The following GALK2 variants were observed in gnomAD, a reference collection of about 807,000 sequenced individuals.
The protein encoded by GALK2 is N-acetylgalactosamine kinase.
A neutral mutation model predicts 52.4 loss-of-function variants in GALK2; 36 were observed. The observed-to-expected ratio is 0.69, with a 90% CI of 0.53 to 0.91. The LOEUF (loss-of-function observed/expected upper bound fraction) is 0.91. Among genes scored for constraint, GALK2 ranks in the 40% least tolerant of loss-of-function variants. The pLI is 0.00. For missense variants in GALK2, 579 were observed against 559.1 expected, an observed-to-expected ratio of 1.04 and a Z score of -0.36; for synonymous variants, 176 against 199.1, an observed-to-expected ratio of 0.88 and a Z score of 0.98.
intron 2 of GALK2, among the ~76,000 whole-genome samples, chr15:49,205,117 G>T (rs184738214): frequency 6.6e-6 from 1 of 152,234 alleles, no homozygotes; most frequent in African/African-American, 2.4e-5. Flanking sequence ...ATTTGGGTTG[G>T]TTCCGCGATT....
At chr15:49,347,816 C>T (rs926589223) in intron 3 of GALK2, among the ~76,000 whole-genome samples, 1 of 151,932 alleles carries the variant, frequency 6.6e-6, no homozygotes, top group African/African-American at 2.4e-5. Context: ...GTCAGGAGTT[C>T]AAGACCAGCC....
downstream of GALK2, among the ~76,000 whole-genome samples, chr15:49,333,324 T>C (rs1293144466): frequency 6.6e-6 from 1 of 152,238 alleles, no homozygotes; most frequent in East Asian, 1.9e-4. Flanking sequence ...AGCTCATACA[T>C]TGTGCCTATA....
At chr15:49,186,759 A>G (rs568649694) in intron 1 of GALK2, among the ~76,000 whole-genome samples, 1 of 152,118 alleles carries the variant, frequency 6.6e-6, no homozygotes, top group East Asian at 1.9e-4. Flanking sequence ...GGATGGTCTC[A>G]ATCTCTTGAC....
rs900852119 is a variant in GALK2 at position 49,366,079 on chromosome 15, T to C, written c.427-1412T>C. 7 of 832,944 alleles carry C rather than the reference T, an allele frequency of 8.4e-6. No individual in the cohort carries two copies. In the East Asian group the frequency reaches 9.6e-5, roughly 11 times the overall value. 51.6% of individuals were successfully genotyped at this position (832,944 alleles called of 1,614,324 possible). A position where few individuals can be genotyped will look rare whatever the true frequency, so the allele number is the denominator to read the frequency against. On this transcript the variant is annotated intron_variant, in intron 3 of 3. Coordinates refer to the GALK2 transcript ENST00000558399. ...TTTCCCTCATTTATCTATCTTCAGT[T>C]GTCACTGCTTTCAAGTTTTCCAATT...
At chr15:49,225,837 T>TG (rs1441009564) in intron 3 of GALK2, among the ~76,000 whole-genome samples, 2 of 152,224 alleles carry the variant, frequency 1.3e-5, no homozygotes, top group South Asian at 2.1e-4. Flanking sequence ...CCAACTGTGC[T>TG]GGGGGATTCC....
intron 3 of GALK2, chr15:49,365,041 T>C (rs554263611): frequency 1.3e-5 from 7 of 533,406 alleles, no homozygotes; most frequent in South Asian, 7.6e-5. Flanking sequence ...GACTTTCAGA[T>C]TGTCAATTCA....
At chr15:49,280,497 G>A (rs1278812092) in intron 5 of GALK2, among the ~76,000 whole-genome samples, 7 of 152,188 alleles carry the variant, frequency 4.6e-5, no homozygotes, top group Non-Finnish European at 8.8e-5. Context: ...ATTTACAGGA[G>A]GAGTGGTGGG....
chr15:49,355,468 T>C (rs1210748751), intron 3 of GALK2, among the ~76,000 whole-genome samples: 1 of 152,000 alleles, frequency 6.6e-6, no homozygotes, highest in African/African-American at 2.4e-5. Context: ...GCCGATGCGA[T>C]CAACTGGAAG....
At chr15:49,192,485 GTATATATA>G (rs58230206) in intron 1 of GALK2, among the ~76,000 whole-genome samples, 10,214 of 102,780 alleles carry the variant, frequency 0.099, 568 homozygotes, top group Middle Eastern at 0.13. Flanking sequence ...ATATATATAT[GTATATATA>G]TATATATATA....
chr15:49,270,639 A>T (rs1337480519), intron 5 of GALK2, among the ~76,000 whole-genome samples: 1 of 152,170 alleles, frequency 6.6e-6, no homozygotes, highest in Non-Finnish European at 1.5e-5. Context: ...TTCCCACTAC[A>T]TGTCAAAGTG....
upstream of GALK2, chr15:49,169,997 C>T (rs1044643766): frequency 1.7e-5 from 5 of 290,874 alleles, no homozygotes; most frequent in East Asian, 6.5e-5. Context: ...ATCCACAGGG[C>T]GCAAAAAGAA....
intron 1 of GALK2, among the ~76,000 whole-genome samples, chr15:49,187,480 A>T (rs1159863049): frequency 1.3e-5 from 2 of 152,068 alleles, no homozygotes; most frequent in East Asian, 3.9e-4. Flanking sequence ...CAGGTGGCAA[A>T]CCCAGCCAGA....
upstream of GALK2, among the ~76,000 whole-genome samples, chr15:49,169,658 C>G (rs191561401): frequency 6.6e-5 from 10 of 152,250 alleles, no homozygotes; most frequent in African/African-American, 2.4e-4. Context: ...AGAGGTTTAA[C>G]TGGATGCTAA....
chr15:49,258,133 A>C (rs560058978), intron 5 of GALK2, among the ~76,000 whole-genome samples: 1 of 152,086 alleles, frequency 6.6e-6, no homozygotes, highest in East Asian at 1.9e-4. Flanking sequence ...TCAATTAACA[A>C]TTTTTAATAA....
chr15:49,210,957 T>TCACACACACACACACACACA (rs764698505), intron 2 of GALK2, among the ~76,000 whole-genome samples: 3 of 112,768 alleles, frequency 2.7e-5, no homozygotes, highest in Admixed American at 1.0e-4. Context: ...ATGTTGGCTG[T>TCACACACACACACACACACA]CACACACACA....
intron 3 of GALK2, among the ~76,000 whole-genome samples, chr15:49,355,267 A>C (rs2042947115): frequency 6.6e-6 from 1 of 152,258 alleles, no homozygotes; most frequent in Admixed American, 6.5e-5. Flanking sequence ...TCAGAGAAGA[A>C]GGCTTCAGAC....
intron 8 of GALK2, among the ~76,000 whole-genome samples, chr15:49,299,901 A>G (rs1312599141): frequency 6.6e-6 from 1 of 151,534 alleles, no homozygotes; most frequent in Non-Finnish European, 1.5e-5. Context: ...CCATGTGCAG[A>G]TGAGAAGAAT....
At chr15:49,214,496 A>AT (rs35538212) in intron 2 of GALK2, among the ~76,000 whole-genome samples, 166 of 129,942 alleles carry the variant, frequency 1.3e-3, no homozygotes, top group African/African-American at 2.8e-3. Flanking sequence ...ACACCCGGCT[A>AT]TTTTTTTTTT....
chr15:49,267,110 T>C (rs1470475059), intron 5 of GALK2, among the ~76,000 whole-genome samples: 1 of 152,166 alleles, frequency 6.6e-6, no homozygotes, highest in Non-Finnish European at 1.5e-5. Flanking sequence ...GCAGGCTTTC[T>C]TAAGGACCAT....
Sources: gnomAD v4.1 joint callset for allele counts (sites outside exome capture counted in the v4.1 genomes callset) on GRCh38, gnomAD v4.1.1 for gene constraint, MANE v1.5 for transcripts, NCBI Gene and HGNC (gene_info 2026-07-23, HGNC 2026-07-21) for gene names.